The following PTDSS2 variants were observed in gnomAD, a reference collection of about 807,000 sequenced individuals.
PTDSS2 encodes PSS-2.
In PTDSS2, 41 loss-of-function variants were observed where a neutral mutation model predicts 64.7. The observed-to-expected ratio is 0.63, with a 90% confidence interval of 0.49 to 0.82. The LOEUF (loss-of-function observed/expected upper bound fraction) is 0.82, where lower values mean the gene tolerates loss of function less well. Among genes scored for constraint, PTDSS2 ranks in the 40% least tolerant of loss-of-function variants. PTDSS2 has a pLI of 0.00. For missense variants in PTDSS2, 485 were observed against 650.0 expected (o/e 0.75, Z 2.76); for synonymous variants, 297 against 277.8 (o/e 1.07, Z -0.69).
intron 7 of PTDSS2, 59 bp from the exon 8 acceptor site, chr11:488,470 C>A: frequency 6.8e-7 from 1 of 1,467,638 alleles, no homozygotes; most frequent in Non-Finnish European, 9.5e-7. Flanking sequence ...CTTCCGGGGT[C>A]CTCCTCGGGG....
intron 4 of PTDSS2, 28 bp from the exon 5 acceptor site, chr11:486,911 C>A: frequency 6.3e-7 from 1 of 1,586,316 alleles, no homozygotes; most frequent in Non-Finnish European, 8.6e-7. Flanking sequence ...TAACTGTAGC[C>A]CCGCTGACGG....
chr11:448,938 A>G (rs190166438), upstream of PTDSS2, among the ~76,000 whole-genome samples: 47 of 152,068 alleles, frequency 3.1e-4, 1 homozygote, highest in Admixed American at 2.5e-3. Context: ...GTCGCTCCTT[A>G]TTACCCCTTC....
chr11:460,100 C>T lies in PTDSS2; in HGVS notation c.183-87C>T, dbSNP rs538404878. On this transcript the variant is annotated intron_variant, in intron 1 of 11. Transcript: ENST00000308020. The surrounding 1 kb of genome is among the most constrained non-coding windows in gnomAD (Gnocchi z 5.8). The stretch of plus-strand genomic sequence containing the variant: ...AGTGGAGTTTAAGCCCTCTCCTTGA[C>T]GTAGAGAGGATTTGGGGCCTGTTAC... 242 of 1,026,908 alleles carry T rather than the reference C, an allele frequency of 2.4e-4. No homozygotes were observed. Among genetic ancestry groups the T allele is most frequent in the Admixed American group, 3.7e-4 (19 of 51,792 alleles). 63.6% of individuals were successfully genotyped at this position (1,026,908 alleles called of 1,614,324 possible). A position where few individuals can be genotyped will look rare whatever the true frequency, so the allele number is the denominator to read the frequency against.
At chr11:486,345 C>G (rs1258186181) in intron 4 of PTDSS2, among the ~76,000 whole-genome samples, 10 of 152,312 alleles carry the variant, frequency 6.6e-5, no homozygotes, top group South Asian at 6.2e-4. Flanking sequence ...CCATCCCGCT[C>G]CCGTCTGTCC....
Position 470,823 on chromosome 11 carries a change from T to C in PTDSS2, c.285-3072T>C, listed in dbSNP as rs1293207606. 6.6e-6 allele frequency among the ~76,000 whole-genome samples: 1 copy of C among 151,780 alleles called. No individual in the cohort carries two copies. Among genetic ancestry groups the C allele is most frequent in the Non-Finnish European group, 1.5e-5 (1 of 67,946 alleles). ...CAGGCTGGTCTCGAACTCCTGACCT[T>C]GTGATCCGCCTGCCTCAGCCTCCCA... On this transcript the variant is annotated intron_variant, in intron 2 of 11. Coordinates refer to ENST00000308020, the MANE Select transcript of PTDSS2 (RefSeq NM_030783.3). This position sits in a 1 kb window ranked among gnomAD's most constrained non-coding sequence, Gnocchi z 5.3.
intron 10 of PTDSS2, 42 bp downstream of exon 10, chr11:489,775 C>CTCGTTACCCCTCACCCCTGCAACG: frequency 6.3e-7 from 1 of 1,588,934 alleles, no homozygotes. Context: ...CCCCGGGGGG[C>CTCGTTACCCCTCACCCCTGCAACG]AGGGGCCGGA....
Position 470,677 on chromosome 11 carries a change from C to A in PTDSS2, c.285-3218C>A, listed in dbSNP as rs550302536. 1.9e-3 allele frequency among the ~76,000 whole-genome samples: 285 copies of A among 152,200 alleles called. 1 individual carries two copies. The highest frequency in any genetic ancestry group is 6.7e-3 in the African/African-American group (278 of 41,522). Reference sequence around the variant, plus strand: ...TGATCTCGGCTCACTGCAACCTCCGCCTCTCGGGTTCAAGTGATTCTCCTG... The same window carrying A: ...TGATCTCGGCTCACTGCAACCTCCGACTCTCGGGTTCAAGTGATTCTCCTG... On this transcript the variant is annotated intron_variant, in intron 2 of 11. Coordinates refer to ENST00000308020, the MANE Select transcript of PTDSS2 (RefSeq NM_030783.3). This position sits in a 1 kb window ranked among gnomAD's most constrained non-coding sequence, Gnocchi z 5.3.
chr11:451,636 T>C lies in PTDSS2; in HGVS notation c.182+999T>C, dbSNP rs138138022. ...ATGGACGCTTCCAAGAGAACCATGC[T>C]GTGGGATGGTCGGAGAGCAAATCTG... On this transcript the variant is annotated intron_variant, in intron 1 of 11. Transcript: ENST00000308020. 2.3e-4 allele frequency: 54 copies of C among 234,260 alleles called. 1 individual carries two copies. Among genetic ancestry groups the C allele is most frequent in the Middle Eastern group, 2.0e-3 (2 of 998 alleles). 14.5% of individuals were successfully genotyped at this position (234,260 alleles called of 1,614,324 possible). A position where few individuals can be genotyped will look rare whatever the true frequency, so the allele number is the denominator to read the frequency against.
intron 4 of PTDSS2, among the ~76,000 whole-genome samples, chr11:480,951 G>A (rs2133819779): frequency 6.6e-6 from 1 of 152,146 alleles, no homozygotes; most frequent in Non-Finnish European, 1.5e-5. Flanking sequence ...GGGCGTGGTC[G>A]CGGGCGCCTG....
At position 481,824 on chromosome 11, in the gene PTDSS2, C is replaced by CT. The variant is rs535335749; in HGVS notation, c.435+2673dup. On this transcript the variant is annotated intron_variant, in intron 4 of 11. Coordinates refer to ENST00000308020, the MANE Select transcript of PTDSS2 (RefSeq NM_030783.3). ...ATAGTTTTACCTGTTCCTTTCCAATCTAGATGTCTTTTATTTCTTTTCTTT... is the reference window on the plus strand; with the variant it reads ...ATAGTTTTACCTGTTCCTTTCCAATCTTAGATGTCTTTTATTTCTTTTCTTT... 1.8e-4 allele frequency among the ~76,000 whole-genome samples: 28 copies of CT among 151,380 alleles called. No individual in the cohort carries two copies. In the East Asian group the frequency reaches 4.8e-3, roughly 26 times the overall value.
At chr11:477,559 C>T (rs1847866054) in intron 3 of PTDSS2, among the ~76,000 whole-genome samples, 1 of 152,186 alleles carries the variant, frequency 6.6e-6, no homozygotes, top group South Asian at 2.1e-4. Context: ...CGAGATGCCA[C>T]CTTTCTGATC....
intron 6 of PTDSS2, 106 bp from the exon 7 acceptor site, chr11:488,093 G>A (rs376319355): frequency 2.5e-4 from 195 of 772,638 alleles, no homozygotes; most frequent in East Asian, 1.6e-3. Flanking sequence ...GGGCGTGGCC[G>A]GCGTCCCATA....
At chr11:481,868 G>A (rs1848086206) in intron 4 of PTDSS2, among the ~76,000 whole-genome samples, 1 of 148,144 alleles carries the variant, frequency 6.8e-6, no homozygotes, top group African/African-American at 2.5e-5. Flanking sequence ...TTTAGACTGA[G>A]TTTTGCTCTT....
intron 4 of PTDSS2, among the ~76,000 whole-genome samples, chr11:485,482 CTG>C (rs1469765252): frequency 7.1e-6 from 1 of 140,496 alleles, no homozygotes. Flanking sequence ...TGTGTGCTCA[CTG>C]TGCAGGCGAG....
intron 1 of PTDSS2, among the ~76,000 whole-genome samples, chr11:456,603 TG>T (rs1167414915): frequency 1.3e-5 from 2 of 152,208 alleles, no homozygotes; most frequent in Non-Finnish European, 2.9e-5. Flanking sequence ...AGGGGACTCC[TG>T]GGCCCCAGCT....
chr11:450,807 C>T (rs1352933547), intron 1 of PTDSS2, among the ~76,000 whole-genome samples, 170 bp downstream of exon 1: 1 of 152,076 alleles, frequency 6.6e-6, no homozygotes, highest in Non-Finnish European at 1.5e-5. Flanking sequence ...GGGGAGCGGC[C>T]GGACCGAGCT....
At chr11:475,185 CGCGTTT>C (rs1847707887) in intron 3 of PTDSS2, among the ~76,000 whole-genome samples, 1 of 140,900 alleles carries the variant, frequency 7.1e-6, no homozygotes, top group African/African-American at 2.7e-5. Context: ...GACATATTCA[CGCGTTT>C]ATGATATGGA....
At chr11:452,164 C>T (rs1428591980) in intron 1 of PTDSS2, among the ~76,000 whole-genome samples, 2 of 152,138 alleles carry the variant, frequency 1.3e-5, no homozygotes, top group Non-Finnish European at 2.9e-5. Flanking sequence ...CAGACGGGCT[C>T]CTCTGAGGTC....
intron 2 of PTDSS2, among the ~76,000 whole-genome samples, chr11:469,486 GGGA>G (rs1847316069): frequency 7.6e-6 from 1 of 131,178 alleles, no homozygotes; most frequent in Non-Finnish European, 1.7e-5. Flanking sequence ...GGTAATCGGA[GGGA>G]GGAGGAGGGG....
Sources: gnomAD v4.1 joint callset for allele counts (sites outside exome capture counted in the v4.1 genomes callset) on GRCh38, gnomAD v4.1.1 for gene constraint, Gnocchi (gnomAD v3.1) non-coding constraint, MANE v1.5 for transcripts, NCBI Gene and HGNC (gene_info 2026-07-23, HGNC 2026-07-21) for gene names.